Variants in MPPED1 observed in about 807,000 individuals in gnomAD.
MPPED1 encodes metallophosphoesterase domain-containing protein 1.
In MPPED1, 16 loss-of-function variants were observed where a neutral mutation model predicts 36.2. The observed-to-expected ratio is 0.44, with a 90% CI of 0.30 to 0.67. MPPED1 has a LOEUF of 0.67. Among genes scored for constraint, MPPED1 ranks in the 30% least tolerant of loss-of-function variants. The probability of loss-of-function intolerance (pLI) is 0.10; values close to 1 mark genes in which losing one functional copy is unlikely to be tolerated. For synonymous variants in MPPED1, 199 were observed against 191.3 expected, an observed-to-expected ratio of 1.04 and a Z score of -0.33; for missense variants, 307 against 453.4, an observed-to-expected ratio of 0.68 and a Z score of 2.93.
rs1475133431 is a variant in MPPED1 at position 43,502,822 on chromosome 22, C to T, written c.862+65C>T. ...GCTCCTAATGGACCCTCCAGCAGGA[C>T]CTCCCCTTCGTTCAGCCAGAAGGGA... On this transcript the variant is annotated intron_variant, in intron 6 of 6. Transcript: ENST00000443721. The surrounding 1 kb of genome is among the most constrained non-coding windows in gnomAD (Gnocchi z 5.5). The T allele has an allele frequency of 2.2e-6, 3 of 1,361,980 alleles. No homozygotes were observed. The South Asian group carries it at 3.5e-5, about 16-fold the overall frequency. The allele number at this position is 1,361,980 out of a possible 1,614,324, so 84.4% of individuals were successfully genotyped here.
chr22:43,432,910 GAGAA>G (rs1204507039), intron 2 of MPPED1, among the ~76,000 whole-genome samples: 2 of 92,498 alleles, frequency 2.2e-5, no homozygotes, highest in African/African-American at 3.0e-5. Flanking sequence ...GAGAGGGAAA[GAGAA>G]AGGGAGGAGA....
At position 43,485,480 on chromosome 22, in the gene MPPED1, TCA is replaced by T. The variant is rs754918679; in HGVS notation, c.632+10526_632+10527del. ...AGTACACACATACACACTCACACAG[TCA>T]CACACATACACATGGATGCACACGT... On this transcript the variant is annotated intron_variant, in intron 4 of 6. Transcript: ENST00000443721. Among the ~76,000 whole-genome samples the T allele has an allele frequency of 4.6e-4, 70 of 151,366 alleles. 2 individuals carry two copies. The highest frequency in any genetic ancestry group is 2.7e-3 in the Admixed American group (41 of 15,194).
intron 5 of MPPED1, among the ~76,000 whole-genome samples, chr22:43,499,077 T>A (rs1602023475): frequency 1.3e-5 from 2 of 150,054 alleles, no homozygotes; most frequent in South Asian, 4.3e-4. Context: ...ATGGAGGTGG[T>A]GATGGTGGAG....
chr22:43,413,208 A>G (rs1032740930), intron 1 of MPPED1, among the ~76,000 whole-genome samples: 8 of 152,204 alleles, frequency 5.3e-5, no homozygotes, highest in African/African-American at 1.9e-4. Flanking sequence ...GTTAAGTGGC[A>G]AACAATTATG....
intron 3 of MPPED1, among the ~76,000 whole-genome samples, chr22:43,461,825 G>A (rs942294373): frequency 4.6e-5 from 7 of 152,202 alleles, no homozygotes; most frequent in Admixed American, 3.3e-4. Context: ...TCGCTGATCA[G>A]TTGTGGAGTT....
rs114795864 is a variant in MPPED1, at chr22:43,420,704, G to C, written c.-78-4204G>C. ...GGTGTGAGCCACCATGCCCAGCCCAGATAGACCTTTCTTGATCACCCAATT... is the reference window on the plus strand; with the variant it reads ...GGTGTGAGCCACCATGCCCAGCCCACATAGACCTTTCTTGATCACCCAATT... On this transcript the variant is annotated intron_variant, in intron 1 of 6. Coordinates refer to ENST00000443721, the MANE Select transcript of MPPED1 (RefSeq NM_001044370.2). Among the ~76,000 whole-genome samples, 500 of 152,300 alleles carry C rather than the reference G, an allele frequency of 3.3e-3. 2 individuals carry two copies. The highest frequency in any genetic ancestry group is 0.012 in the African/African-American group (483 of 41,552).
rs1491332533 is a variant in MPPED1 at position 43,432,544 on chromosome 22, A to AG, written c.225-2490_225-2489insG. On this transcript the variant is annotated intron_variant, in intron 2 of 6. Transcript: ENST00000443721. ...GAGGAGAGAGATAAAGGGAGGAGAG[A>AG]AAGAAAGGGAGGAGAGAGAGAGAAA... 4.9e-4 allele frequency among the ~76,000 whole-genome samples: 56 copies of AG among 114,220 alleles called. 1 individual carries two copies. Among genetic ancestry groups the AG allele is most frequent in the South Asian group, 6.5e-4 (2 of 3,088 alleles). 74.9% of individuals were successfully genotyped at this position (114,220 alleles called of 152,430 possible). A position where few individuals can be genotyped will look rare whatever the true frequency, so the allele number is the denominator to read the frequency against.
intron 3 of MPPED1, among the ~76,000 whole-genome samples, chr22:43,456,687 G>T (rs1248937884): frequency 1.3e-5 from 2 of 152,184 alleles, no homozygotes; most frequent in African/African-American, 2.4e-5. Flanking sequence ...TAGAGACAGA[G>T]TTTTCGCCAT....
At chr22:43,492,308 TG>T (rs1371649551) in intron 4 of MPPED1, among the ~76,000 whole-genome samples, 54 of 152,272 alleles carry the variant, frequency 3.5e-4, no homozygotes, top group African/African-American at 1.1e-3. Context: ...AACTGCAAGA[TG>T]AGCTCACAGT....
At chr22:43,414,217 C>G (rs1365520233) in intron 1 of MPPED1, among the ~76,000 whole-genome samples, 1 of 152,220 alleles carries the variant, frequency 6.6e-6, no homozygotes, top group Non-Finnish European at 1.5e-5. Context: ...ACCCATGAGA[C>G]TCTTAAATCT....
intron 3 of MPPED1, among the ~76,000 whole-genome samples, chr22:43,455,856 G>T (rs1930734654): frequency 6.6e-6 from 1 of 152,192 alleles, no homozygotes; most frequent in African/African-American, 2.4e-5. Context: ...TCCTGAGGCT[G>T]CAGTAACAAG....
chr22:43,477,878 AC>A (rs1223792267), intron 4 of MPPED1, among the ~76,000 whole-genome samples: 1 of 152,140 alleles, frequency 6.6e-6, no homozygotes, highest in Non-Finnish European at 1.5e-5. Flanking sequence ...GGGAAACGAC[AC>A]CGCCTGCCTT....
At position 43,434,068 on chromosome 22, in the gene MPPED1, G is replaced by T. The variant is rs139204622; in HGVS notation, c.225-966G>T. On this transcript the variant is annotated intron_variant, in intron 2 of 6. Transcript: ENST00000443721. ...CACATTTCTGCACTGGGGTGCCCAG[G>T]GCAGCTTGCTCAGCCCGGCTGGATC... is the stretch of plus-strand genomic sequence containing the variant. Among the ~76,000 whole-genome samples the T allele has an allele frequency of 1.1e-3, 174 of 152,316 alleles. No homozygotes were observed. The East Asian group carries it at 0.031, about 27-fold the overall frequency.
chr22:43,444,274 A>G (rs940986012), intron 3 of MPPED1, among the ~76,000 whole-genome samples: 13 of 118,374 alleles, frequency 1.1e-4, no homozygotes, highest in Admixed American at 5.2e-4. Context: ...AATGAGACCC[A>G]CTGGGGTGTG....
intron 6 of MPPED1, among the ~76,000 whole-genome samples, chr22:43,504,609 G>C (rs572793571): frequency 2.0e-5 from 3 of 151,806 alleles, no homozygotes; most frequent in Admixed American, 2.0e-4. Context: ...GCGGTATGTT[G>C]GTGACGTTGA....
intron 4 of MPPED1, among the ~76,000 whole-genome samples, chr22:43,490,199 C>T (rs1348870489): frequency 6.6e-6 from 1 of 152,234 alleles, no homozygotes; most frequent in Non-Finnish European, 1.5e-5. Flanking sequence ...CCAGATCCTG[C>T]AGGCAAGTCT....
intron 3 of MPPED1, among the ~76,000 whole-genome samples, chr22:43,465,945 C>T (rs1240639983): frequency 2.0e-5 from 3 of 152,160 alleles, no homozygotes; most frequent in Non-Finnish European, 2.9e-5. Flanking sequence ...TGTGTCCTTC[C>T]GGACTGCGAC....
intron 1 of MPPED1, chr22:43,418,079 T>C (rs1024575557): frequency 4.4e-6 from 2 of 456,262 alleles, no homozygotes; most frequent in African/African-American, 4.0e-5. Flanking sequence ...CCCCCAGTGA[T>C]TGTTAAAGAG....
intron 3 of MPPED1, among the ~76,000 whole-genome samples, chr22:43,440,916 C>A (rs540253637): frequency 2.0e-5 from 3 of 152,216 alleles, no homozygotes; most frequent in African/African-American, 7.2e-5. Context: ...GGCCCTTTTC[C>A]ATCTCCTCCT....
Sources: allele counts gnomAD v4.1 joint callset (sites outside exome capture counted in the v4.1 genomes callset), GRCh38; gene constraint gnomAD v4.1.1; non-coding constraint Gnocchi (gnomAD v3.1); transcripts MANE v1.5; gene names NCBI Gene and HGNC (gene_info 2026-07-23, HGNC 2026-07-21).